Variants in GAB2 observed in about 807,000 individuals in gnomAD.
GAB2 encodes GRB2 associated binding protein 2.
A neutral mutation model predicts 65.5 loss-of-function variants in GAB2; 26 were observed. That is an observed-to-expected ratio of 0.40 (90% confidence interval 0.29 to 0.55). The LOEUF is 0.55. Ranked by LOEUF, GAB2 falls within the 20% of genes least tolerant of loss-of-function variation. The pLI is 0.53. For synonymous variants in GAB2, 321 were observed against 329.6 expected (o/e 0.97, Z 0.28); for missense variants, 884 against 875.8 (o/e 1.01, Z -0.12).
intron 1 of GAB2, among the ~76,000 whole-genome samples, chr11:78,373,743 T>C (rs1280814235): frequency 6.6e-6 from 1 of 152,224 alleles, no homozygotes; most frequent in Non-Finnish European, 1.5e-5. Flanking sequence ...ATTGTTATTA[T>C]TGACCCAACT....
At chr11:78,220,295 C>A (rs533788190) in intron 9 of GAB2, 24 bp downstream of exon 9, 3 of 1,610,054 alleles carry the variant, frequency 1.9e-6, no homozygotes, top group East Asian at 4.5e-5. Context: ...GCTCTTACTG[C>A]CCCCCCAACT....
chr11:78,417,122 C>G (rs1272766151), intron 1 of GAB2, among the ~76,000 whole-genome samples: 1 of 152,166 alleles, frequency 6.6e-6, no homozygotes, highest in Non-Finnish European at 1.5e-5. Flanking sequence ...CTGACGCTGC[C>G]GGTGATGCAG....
chr11:78,288,929 T>G (rs916507694), intron 1 of GAB2, among the ~76,000 whole-genome samples: 2 of 152,234 alleles, frequency 1.3e-5, no homozygotes, highest in African/African-American at 4.8e-5. Flanking sequence ...ATTATATAGC[T>G]ACAACAATCA....
chr11:78,352,039 C>T (rs1009697802), intron 1 of GAB2, among the ~76,000 whole-genome samples: 3 of 152,100 alleles, frequency 2.0e-5, no homozygotes, highest in Non-Finnish European at 2.9e-5. Flanking sequence ...CGGTGAAACC[C>T]CGCCTCTACT....
Position 78,226,619 on chromosome 11 carries a change from G to GGGGGGGGGGGGGGGGCCC in GAB2, c.1052_1053insGGGCCCCCCCCCCCCCCC (p.Pro351_Pro352insGlyProProProProPro). 1 of 952,232 alleles carries GGGGGGGGGGGGGGGGCCC rather than the reference G, an allele frequency of 1.1e-6. No individual in the cohort carries two copies. The highest frequency in any genetic ancestry group is 1.6e-6 in the Non-Finnish European group (1 of 620,408). The allele number at this position is 952,232 out of a possible 1,614,324, so 59.0% of individuals were successfully genotyped here. ...GACTTGGCTTGGGGGGGCGGGGTGG[G>GGGGGGGGGGGGGGGGCCC]GGAGCTATGGCTGAGTCCCCAGGAG... On this transcript the variant is annotated inframe_insertion, in exon 4 of 10. Transcript: ENST00000361507.
chr11:78,329,455 T>C (rs151140568), intron 1 of GAB2, among the ~76,000 whole-genome samples: 1 of 152,350 alleles, frequency 6.6e-6, no homozygotes, highest in East Asian at 1.9e-4. Context: ...TTTTCATCTC[T>C]GTATCCCCCT....
At chr11:78,226,067 CTG>C (rs1864637816) in intron 4 of GAB2, among the ~76,000 whole-genome samples, 1 of 152,224 alleles carries the variant, frequency 6.6e-6, no homozygotes, top group Non-Finnish European at 1.5e-5. Context: ...CTTTAGCAGT[CTG>C]TTAGTCCACA....
chr11:78,403,185 T>A (rs1856996640), intron 1 of GAB2, among the ~76,000 whole-genome samples: 1 of 152,244 alleles, frequency 6.6e-6, no homozygotes, highest in Non-Finnish European at 1.5e-5. Flanking sequence ...GCAGCCTGAA[T>A]GGACTAAGAT....
At chr11:78,261,892 T>C (rs2134546822) in intron 2 of GAB2, among the ~76,000 whole-genome samples, 1 of 152,352 alleles carries the variant, frequency 6.6e-6, no homozygotes, top group African/African-American at 2.4e-5. Context: ...TTCACATTAA[T>C]GATGCATTTG....
intron 1 of GAB2, among the ~76,000 whole-genome samples, chr11:78,358,483 CA>C (rs59495222): frequency 0.045 from 4,750 of 106,170 alleles, 160 homozygotes; most frequent in African/African-American, 0.11. Context: ...ATAAAGTGAC[CA>C]AAAAAAAAAA....
chr11:78,254,262 C>T (rs1007952302), intron 2 of GAB2, among the ~76,000 whole-genome samples: 1 of 152,158 alleles, frequency 6.6e-6, no homozygotes, highest in Admixed American at 6.5e-5. Flanking sequence ...CTAGAACAGC[C>T]CCAGCCATGG....
At chr11:78,236,296 C>T (rs1403025146) in intron 3 of GAB2, among the ~76,000 whole-genome samples, 1 of 152,114 alleles carries the variant, frequency 6.6e-6, no homozygotes, top group African/African-American at 2.4e-5. Context: ...TATCTTGTGA[C>T]CTTGCTAAAC....
chr11:78,382,995 G>A (rs1202068222), intron 1 of GAB2, among the ~76,000 whole-genome samples: 11 of 152,160 alleles, frequency 7.2e-5, no homozygotes, highest in African/African-American at 7.2e-5. Context: ...TCTTCCAGCC[G>A]GGTGTGGTGG....
rs575503368 is a variant in GAB2 at position 78,350,864 on chromosome 11, G to A, written c.75+66782C>T. Among the ~76,000 whole-genome samples the A allele has an allele frequency of 1.1e-4, 17 of 152,226 alleles. No homozygotes were observed. In the South Asian group the frequency reaches 1.2e-3, roughly 11 times the overall value. Reference sequence around the variant, plus strand: ...AACTATGCTCTGCCAAGTTGTTTCCGGTAAGCAACTTTGGAAAATAAAAAT... The same window carrying A: ...AACTATGCTCTGCCAAGTTGTTTCCAGTAAGCAACTTTGGAAAATAAAAAT... On this transcript the variant is annotated intron_variant, in intron 1 of 9. Coordinates refer to ENST00000361507, the MANE Select transcript of GAB2 (RefSeq NM_080491.3).
intron 1 of GAB2, among the ~76,000 whole-genome samples, chr11:78,292,025 T>A (rs373428885): frequency 5.0e-5 from 7 of 139,808 alleles, no homozygotes; most frequent in African/African-American, 8.4e-5. Flanking sequence ...TGTGTGTGTG[T>A]GTGTGAGAGA....
chr11:78,227,153 T>G (rs1380960558), intron 3 of GAB2, 102 bp from the exon 4 acceptor site: 1 of 725,460 alleles, frequency 1.4e-6, no homozygotes, highest in East Asian at 2.7e-5. Flanking sequence ...TTTAGGCATC[T>G]GTAAAATGGT....
At chr11:78,279,528 T>C (rs1866272645) in intron 2 of GAB2, among the ~76,000 whole-genome samples, 1 of 152,184 alleles carries the variant, frequency 6.6e-6, no homozygotes, top group African/African-American at 2.4e-5. Flanking sequence ...AGTATACTCA[T>C]GAAAGTGTAC....
At chr11:78,233,522 A>C (rs2450131) in intron 3 of GAB2, among the ~76,000 whole-genome samples, 24,266 of 152,108 alleles carry the variant, frequency 0.16, 2,408 homozygotes, top group East Asian at 0.4. Flanking sequence ...CTCTCTTCTT[A>C]CTGAGTTGTA....
chr11:78,294,811 T>A (rs2134612431), intron 1 of GAB2, among the ~76,000 whole-genome samples: 1 of 152,230 alleles, frequency 6.6e-6, no homozygotes, highest in Admixed American at 6.5e-5. Context: ...GGCAATACCA[T>A]TCAGGACATA....
Sources: gnomAD v4.1 joint callset for allele counts (sites outside exome capture counted in the v4.1 genomes callset) on GRCh38, gnomAD v4.1.1 for gene constraint, MANE v1.5 for transcripts, NCBI Gene and HGNC (gene_info 2026-07-23, HGNC 2026-07-21) for gene names.